FGD4: variants seen among roughly 807,000 people sequenced by gnomAD.
FGD4 encodes FYVE, RhoGEF and PH domain containing 4.
In FGD4, 42 loss-of-function variants were observed where a neutral mutation model predicts 102.0. The ratio of observed to expected loss-of-function variants is 0.41; its 90% CI spans 0.32 to 0.53. FGD4 has a LOEUF of 0.53. Ranked by LOEUF, FGD4 falls within the 20% of genes least tolerant of loss-of-function variation. The probability of loss-of-function intolerance (pLI) is 0.21; values close to 1 mark genes in which losing one functional copy is unlikely to be tolerated. For missense variants in FGD4, 902 were observed against 1,078.2 expected (o/e 0.84, Z 2.29); for synonymous variants, 380 against 375.7 (o/e 1.01, Z -0.13).
At chr12:32,601,655 G>A (rs1282668268) in intron 6 of FGD4, among the ~76,000 whole-genome samples, 3 of 152,144 alleles carry the variant, frequency 2.0e-5, no homozygotes, top group African/African-American at 4.8e-5. Flanking sequence ...CAAGAATTCC[G>A]GAGCATCTCT....
chr12:32,576,719 G>A (rs547585927), intron 3 of FGD4, among the ~76,000 whole-genome samples: 3 of 152,170 alleles, frequency 2.0e-5, no homozygotes, highest in East Asian at 1.9e-4. Context: ...GCTTTCTCTC[G>A]TTTCCTCTGT....
At chr12:32,520,869 G>A (rs1940470211) in intron 1 of FGD4, among the ~76,000 whole-genome samples, 3 of 152,116 alleles carry the variant, frequency 2.0e-5, no homozygotes, top group South Asian at 4.2e-4. Context: ...CCCTCAAGAA[G>A]TTTAGAGATA....
intron 1 of FGD4, among the ~76,000 whole-genome samples, chr12:32,435,038 G>A (rs981786742): frequency 2.6e-5 from 4 of 151,940 alleles, no homozygotes; most frequent in Non-Finnish European, 5.9e-5. Flanking sequence ...CTGCCTCCCG[G>A]GTTCAAGTGA....
chr12:32,425,295 G>A (rs1379090445), intron 1 of FGD4, among the ~76,000 whole-genome samples: 3 of 152,180 alleles, frequency 2.0e-5, no homozygotes, highest in Non-Finnish European at 4.4e-5. Flanking sequence ...CATATGGCTA[G>A]CCAGTTTTCC....
chr12:32,423,013 T>C (rs1941698716), intron 1 of FGD4, among the ~76,000 whole-genome samples: 2 of 152,194 alleles, frequency 1.3e-5, no homozygotes, highest in Non-Finnish European at 2.9e-5. Context: ...AAACCCCTGC[T>C]CTTAATCTCT....
intron 1 of FGD4, among the ~76,000 whole-genome samples, chr12:32,432,603 CA>C (rs10715388): frequency 0.56 from 76,219 of 137,258 alleles, 21,083 homozygotes; most frequent in African/African-American, 0.74. Context: ...GACTCCATCT[CA>C]AAAAAAAAAA....
intron 1 of FGD4, among the ~76,000 whole-genome samples, chr12:32,509,177 G>A (rs1939099217): frequency 6.6e-6 from 1 of 151,318 alleles, no homozygotes; most frequent in African/African-American, 2.4e-5. Flanking sequence ...AACATTAAAT[G>A]ATGAACTAGG....
chr12:32,550,317 A>T (rs1184442679), intron 1 of FGD4, among the ~76,000 whole-genome samples: 1 of 152,176 alleles, frequency 6.6e-6, no homozygotes, highest in Non-Finnish European at 1.5e-5. Context: ...ATTCTTATAG[A>T]CCAGTTAGTA....
At chr12:32,624,379 CATTAAT>C in intron 11 of FGD4, 37 bp from the exon 12 acceptor site, 1 of 1,440,782 alleles carries the variant, frequency 6.9e-7, no homozygotes, top group South Asian at 1.2e-5. Flanking sequence ...CAGTGTGAAT[CATTAAT>C]ATTATTTACA....
intron 14 of FGD4, among the ~76,000 whole-genome samples, chr12:32,626,452 A>G (rs1027428412): frequency 6.8e-6 from 1 of 147,118 alleles, no homozygotes; most frequent in Non-Finnish European, 1.5e-5. Context: ...CTCAGAAAAA[A>G]AAAAAAAAAA....
intron 5 of FGD4, among the ~76,000 whole-genome samples, chr12:32,600,222 C>G (rs1948283808): frequency 6.6e-6 from 1 of 152,192 alleles, no homozygotes; most frequent in African/African-American, 2.4e-5. Context: ...AATTACAGAC[C>G]TGAAATTTTA....
At chr12:32,528,031 C>T (rs1941436080) in intron 1 of FGD4, among the ~76,000 whole-genome samples, 1 of 151,904 alleles carries the variant, frequency 6.6e-6, no homozygotes, top group African/African-American at 2.4e-5. Flanking sequence ...GTGCTGTGAT[C>T]TCAGGTCACT....
chr12:32,526,100 G>GA (rs1941160458), intron 1 of FGD4, among the ~76,000 whole-genome samples: 1 of 152,254 alleles, frequency 6.6e-6, no homozygotes, highest in African/African-American at 2.4e-5. Context: ...TGCAGCCCCG[G>GA]TGCGGGATCC....
chr12:32,535,838 G>A (rs1336753876), intron 1 of FGD4, among the ~76,000 whole-genome samples: 1 of 152,202 alleles, frequency 6.6e-6, no homozygotes, highest in Non-Finnish European at 1.5e-5. Context: ...ACAGGAAGAT[G>A]AAGCTTGAGA....
chr12:32,504,044 A>G (rs1334332482), intron 1 of FGD4, among the ~76,000 whole-genome samples: 2 of 152,150 alleles, frequency 1.3e-5, no homozygotes, highest in African/African-American at 4.8e-5. Flanking sequence ...TTATTGAGTT[A>G]AAGTTTTAAG....
intron 1 of FGD4, among the ~76,000 whole-genome samples, chr12:32,509,241 CT>C (rs35053299): frequency 0.29 from 38,507 of 132,406 alleles, 4,650 homozygotes; most frequent in East Asian, 0.37. Context: ...CTTTTATTCT[CT>C]TTTTTTTTTT....
At chr12:32,457,908 T>G (rs1156828836) in intron 1 of FGD4, among the ~76,000 whole-genome samples, 1 of 152,196 alleles carries the variant, frequency 6.6e-6, no homozygotes, top group Non-Finnish European at 1.5e-5. Context: ...GTTCTGCTAC[T>G]GAAATTAAAT....
chr12:32,524,395 CAAAAAAAAAAA>C (rs959203100), intron 1 of FGD4, among the ~76,000 whole-genome samples: 1 of 69,336 alleles, frequency 1.4e-5, no homozygotes, highest in Non-Finnish European at 2.7e-5. Flanking sequence ...GACTCTGTCT[CAAAAAAAAAAA>C]AAAAAAAAAA....
chr12:32,589,743 A>G (rs908759096), intron 4 of FGD4, among the ~76,000 whole-genome samples: 12 of 152,146 alleles, frequency 7.9e-5, no homozygotes, highest in Admixed American at 7.2e-4. Context: ...CCATGTCACG[A>G]AAGAACGTAA....
Sources: gnomAD v4.1 joint callset for allele counts (sites outside exome capture counted in the v4.1 genomes callset) on GRCh38, gnomAD v4.1.1 for gene constraint, MANE v1.5 for transcripts, NCBI Gene and HGNC (gene_info 2026-07-23, HGNC 2026-07-21) for gene names.